CNOT3: variants seen among roughly 807,000 people sequenced by gnomAD.
CNOT3 encodes CCR4-associated factor 3.
A neutral mutation model predicts 89.4 loss-of-function variants in CNOT3; 2 were observed. The observed-to-expected ratio is 0.02, with a 90% CI of 0.01 to 0.07. The LOEUF is 0.07. Ranked by LOEUF, CNOT3 falls within the 10% of genes least tolerant of loss-of-function variation. The pLI is 1.00. For synonymous variants in CNOT3, 486 were observed against 402.0 expected (o/e 1.21, Z -2.50); for missense variants, 664 against 1,010.2 (o/e 0.66, Z 4.65).
intron 1 of CNOT3, chr19:54,142,694 A>G (rs775429291): frequency 1.7e-4 from 102 of 584,144 alleles, no homozygotes; most frequent in Non-Finnish European, 2.9e-4. Context: ...AGAGGCACAC[A>G]AAAAAGTATG....
chr19:54,152,709 A>G, intron 15 of CNOT3, 83 bp downstream of exon 15: 1 of 1,223,516 alleles, frequency 8.2e-7, no homozygotes, highest in South Asian at 1.2e-5. Context: ...GGCTGTGGGT[A>G]GAGCACCAGG....
chr19:54,139,225 C>G (rs1362532830), intron 1 of CNOT3, among the ~76,000 whole-genome samples: 1 of 152,130 alleles, frequency 6.6e-6, no homozygotes, highest in Admixed American at 6.5e-5. Context: ...TCCCTTCACC[C>G]CTGCCTGAGT....
chr19:54,138,295 C>T (rs1416868210), intron 1 of CNOT3, among the ~76,000 whole-genome samples: 3 of 152,184 alleles, frequency 2.0e-5, no homozygotes, highest in African/African-American at 7.2e-5. Context: ...CGCGTCGGGC[C>T]CCCCGGTAGG....
At chr19:54,154,974 T>G (rs1452872705) in intron 17 of CNOT3, 1 of 351,520 alleles carries the variant, frequency 2.8e-6, no homozygotes, top group Non-Finnish European at 5.2e-6. Context: ...TGCTAGGCTG[T>G]GCATCCTGTA....
At chr19:54,139,490 C>G (rs1243850884) in intron 1 of CNOT3, among the ~76,000 whole-genome samples, 1 of 152,118 alleles carries the variant, frequency 6.6e-6, no homozygotes, top group Non-Finnish European at 1.5e-5. Context: ...GCTCTTCCCT[C>G]TGGGGCTGTG....
In CNOT3 at chr19:54,152,982, A is replaced by G. The variant is rs748598904; in HGVS notation, c.2020A>G (p.Ile674Val). Reference protein sequence around the residue: ...QRLSTETLFFIFYYLEGTKAQ... With the variant: ...QRLSTETLFFVFYYLEGTKAQ... Reference sequence around the variant, plus strand: ...CCTGTCGACCGAGACACTCTTCTTCATCTTCTACTATCTGGAGGTACAGCA... The same window carrying G: ...CCTGTCGACCGAGACACTCTTCTTCGTCTTCTACTATCTGGAGGTACAGCA... The change falls in exon 16 of 18, where the codon ATC becomes GTC. Residue 674 changes from isoleucine (I) to valine (V), a missense_variant. Ile to Val is a conservative substitution (Grantham distance 29). Around this residue, in one of 8 missense-constraint regions of CNOT3, gnomAD observed 15 missense variants for 32.7 expected, o/e 0.46. Coordinates refer to ENST00000221232, the MANE Select transcript of CNOT3 (RefSeq NM_014516.4). 3.1e-6 allele frequency: 5 copies of G among 1,604,906 alleles called. No individual in the cohort carries two copies. Among genetic ancestry groups the G allele is most frequent in the South Asian group, 2.2e-5 (2 of 90,600 alleles).
rs2074361647 is a variant in CNOT3 at position 54,139,469 on chromosome 19, G to T, written c.-51+1476G>T. ...CTTCCTAGACCCGGGTTCCTGTACT[G>T]CGAGGTGGGGGCTCTTCCCTCTGGG... On this transcript the variant is annotated intron_variant, in intron 1 of 17. Transcript: ENST00000221232. 3.9e-5 allele frequency among the ~76,000 whole-genome samples: 6 copies of T among 152,116 alleles called. No individual in the cohort carries two copies. In the South Asian group the frequency reaches 1.2e-3, roughly 32 times the overall value.
In CNOT3 at chr19:54,148,530, C is replaced by T. The variant is rs181910878; in HGVS notation, c.1277C>T (p.Ala426Val). The T allele has an allele frequency of 3.3e-3, 5,124 of 1,563,026 alleles. 32 individuals are homozygous for T. The highest frequency in any genetic ancestry group is 2.9e-3 in the Non-Finnish European group (3,345 of 1,150,592). Residue 426 changes from alanine to valine, a missense_variant, in exon 11 of 18, where the codon GCC (alanine) becomes GTC (valine). By Grantham distance (64) the Ala-to-Val change is moderately conservative. Coordinates refer to ENST00000221232, the MANE Select transcript of CNOT3 (RefSeq NM_014516.4). This position sits in a 1 kb window ranked among gnomAD's most constrained non-coding sequence, Gnocchi z 6.3. ...AGGGAGKQNGATSYSSVVADS... is the reference protein window; with the variant it reads ...AGGGAGKQNGVTSYSSVVADS... ...GGAGGGGCTGGCAAGCAGAATGGCG[C>T]CACCAGTGAGTGAGGAGGCAGCGGG...
At chr19:54,143,972 T>C in intron 5 of CNOT3, 34 bp from the exon 6 acceptor site, 1 of 1,583,748 alleles carries the variant, frequency 6.3e-7, no homozygotes, top group Non-Finnish European at 8.5e-7. Flanking sequence ...TTTCCCACCT[T>C]TGAGAGCCCC....
At position 54,148,385 on chromosome 19, in the gene CNOT3, C is replaced by A; in HGVS notation, c.1132C>A (p.Pro378Thr). 1 of 1,564,030 alleles carries A rather than the reference C, an allele frequency of 6.4e-7. No individual in the cohort carries two copies. ...PAPYAQAVAP[P>T]APSGPSTTQP... The stretch of plus-strand genomic sequence containing the variant: ...TCCCTATGCCCAGGCTGTGGCCCCA[C>A]CAGCTCCCAGTGGGCCCAGCACGAC... Residue 378 changes from proline (P) to threonine (T), a missense_variant, in exon 11 of 18, where the codon CCA (proline) becomes ACA (threonine). Coordinates refer to ENST00000221232, the MANE Select transcript of CNOT3 (RefSeq NM_014516.4). The surrounding 1 kb of genome is among the most constrained non-coding windows in gnomAD (Gnocchi z 6.3).
rs1330867656 is a variant in CNOT3, at chr19:54,143,244, G to C, written c.93+58G>C. ...TTCAGAGAGGAGGGCACAGGAAGGCGGCTCAGGACCTCTGGGTGTTGACCA... is the reference window on the plus strand; with the variant it reads ...TTCAGAGAGGAGGGCACAGGAAGGCCGCTCAGGACCTCTGGGTGTTGACCA... On this transcript the variant is annotated intron_variant, in intron 3 of 17. Coordinates refer to ENST00000221232, the MANE Select transcript of CNOT3 (RefSeq NM_014516.4). The C allele has an allele frequency of 4.0e-6, 6 of 1,497,184 alleles. No individual in the cohort carries two copies. The South Asian group carries it at 5.6e-5, about 14-fold the overall frequency. 92.7% of individuals were successfully genotyped at this position (1,497,184 alleles called of 1,614,324 possible). A position where few individuals can be genotyped will look rare whatever the true frequency, so the allele number is the denominator to read the frequency against.
Position 54,142,941 on chromosome 19 carries a change from A to G in CNOT3, c.-38A>G. The G allele has an allele frequency of 6.2e-6, 10 of 1,608,954 alleles. No homozygotes were observed. Among genetic ancestry groups the G allele is most frequent in the Non-Finnish European group, 8.5e-6 (10 of 1,175,694 alleles). ...TCTCTCCTAGCAGCGTCCGTCTCCA[A>G]GAGAGTATGAAGAGAGTGCGTCTGT... On this transcript the variant is annotated 5_prime_UTR_variant, in exon 2 of 18. Coordinates refer to ENST00000221232, the MANE Select transcript of CNOT3 (RefSeq NM_014516.4).
At chr19:54,152,812 T>G in intron 15 of CNOT3, 55 bp from the exon 16 acceptor site, 1 of 912,112 alleles carries the variant, frequency 1.1e-6, no homozygotes, top group Admixed American at 2.0e-5. Flanking sequence ...AGCACCCTTT[T>G]GATCACGACA....
At chr19:54,139,897 A>G (rs943766741) in intron 1 of CNOT3, among the ~76,000 whole-genome samples, 3 of 152,052 alleles carry the variant, frequency 2.0e-5, no homozygotes, top group Non-Finnish European at 4.4e-5. Flanking sequence ...CCCAGGCCCT[A>G]ACGCATCCTT....
At chr19:54,138,218 G>A (rs1344376925) in intron 1 of CNOT3, among the ~76,000 whole-genome samples, 4 of 151,508 alleles carry the variant, frequency 2.6e-5, no homozygotes, top group African/African-American at 9.7e-5. Context: ...GTTCCTCAGC[G>A]CCTCCCGGGG....
rs1426984821 is a variant in CNOT3, at chr19:54,148,816, C to T, written c.1406+73C>T. 2.2e-5 allele frequency: 33 copies of T among 1,484,604 alleles called. No individual in the cohort carries two copies. The highest frequency in any genetic ancestry group is 1.6e-4 in the Admixed American group (8 of 50,520). 92.0% of individuals were successfully genotyped at this position (1,484,604 alleles called of 1,614,324 possible). The stretch of plus-strand genomic sequence containing the variant: ...CAGAGAGGCGCAGGCGCCTCACCCC[C>T]GCATCGGTGGGTTCTGAACCCCCCG... On this transcript the variant is annotated intron_variant, in intron 12 of 17. Coordinates refer to ENST00000221232, the MANE Select transcript of CNOT3 (RefSeq NM_014516.4). The surrounding 1 kb of genome is among the most constrained non-coding windows in gnomAD (Gnocchi z 6.3).
intron 10 of CNOT3, among the ~76,000 whole-genome samples, chr19:54,147,470 G>C (rs1161971978): frequency 6.6e-6 from 1 of 152,220 alleles, no homozygotes; most frequent in Admixed American, 6.5e-5. Flanking sequence ...CACCTTCCCA[G>C]GCCCCCACTG....
intron 1 of CNOT3, among the ~76,000 whole-genome samples, chr19:54,141,030 C>T (rs1266878654): frequency 3.3e-5 from 5 of 152,172 alleles, no homozygotes; most frequent in African/African-American, 7.2e-5. Context: ...TGTAAACTCT[C>T]GTTTCACATT....
rs2146645923 is a variant in CNOT3, at chr19:54,148,434, A to G, written c.1181A>G (p.Gln394Arg). 5.1e-6 allele frequency: 8 copies of G among 1,565,086 alleles called. No homozygotes were observed. Among genetic ancestry groups the G allele is most frequent in the Non-Finnish European group, 5.2e-6 (6 of 1,153,652 alleles). The change falls in exon 11 of 18, where the codon CAG becomes CGG. Residue 394 changes from glutamine (Q) to arginine (R), a missense_variant. Gln to Arg is a conservative substitution (Grantham distance 43, BLOSUM62 1). This residue lies in a region of CNOT3 where 545 missense variants were observed against 566.2 expected (regional missense o/e 0.96). Transcript: ENST00000221232. This position sits in a 1 kb window ranked among gnomAD's most constrained non-coding sequence, Gnocchi z 6.3. Reference protein sequence around the residue: ...STTQPRPPSVQPSGGGGGGSG... With the variant: ...STTQPRPPSVRPSGGGGGGSG... Reference sequence around the variant, plus strand: ...ACCCAGCCCCGGCCCCCCAGCGTCCAGCCTAGCGGAGGCGGAGGCGGCGGC... The same window carrying G: ...ACCCAGCCCCGGCCCCCCAGCGTCCGGCCTAGCGGAGGCGGAGGCGGCGGC...
Sources: allele counts gnomAD v4.1 joint callset (sites outside exome capture counted in the v4.1 genomes callset), GRCh38; gene constraint gnomAD v4.1.1; regional missense constraint gnomAD v4.1.1; non-coding constraint Gnocchi (gnomAD v3.1); transcripts MANE v1.5; gene names NCBI Gene and HGNC (gene_info 2026-07-23, HGNC 2026-07-21).